The following GALM variants were observed in gnomAD, a reference collection of about 807,000 sequenced individuals.
GALM encodes the protein aldose 1-epimerase.
GALM carries 43 observed loss-of-function variants against 37.4 expected under a neutral mutation model. That is an observed-to-expected ratio of 1.15 (90% confidence interval 0.90 to 1.48). The LOEUF (loss-of-function observed/expected upper bound fraction) is 1.48, where lower values mean the gene tolerates loss of function less well. GALM is among the 40% of genes most tolerant of loss of function. The pLI, the probability that GALM is intolerant of heterozygous loss-of-function variation, is 0.00. For synonymous variants in GALM, 199 were observed against 170.6 expected (o/e 1.17, Z -1.30); for missense variants, 456 against 419.1 (o/e 1.09, Z -0.77).
chr2:38,684,143 T>C (rs1665468694), intron 3 of GALM, among the ~76,000 whole-genome samples: 1 of 152,194 alleles, frequency 6.6e-6, no homozygotes, highest in Non-Finnish European at 1.5e-5. Flanking sequence ...TCAGCTCATC[T>C]TATATATTTT....
chr2:38,726,858 T>G lies in GALM; in HGVS notation c.635-2698T>G, dbSNP rs1220383831. The stretch of plus-strand genomic sequence containing the variant: ...TTGTGGTGAGCCGAGATCACGCCAC[T>G]GCACTCCAGCCTGGGCAACAAGAGC... On this transcript the variant is annotated intron_variant, in intron 4 of 6. Coordinates refer to ENST00000272252, the MANE Select transcript of GALM (RefSeq NM_138801.3). Among the ~76,000 whole-genome samples, 8 of 151,290 alleles carry G rather than the reference T, an allele frequency of 5.3e-5. No homozygotes were observed. The East Asian group carries it at 1.6e-3, about 30-fold the overall frequency.
chr2:38,675,176 A>G (rs1344388841), intron 1 of GALM, among the ~76,000 whole-genome samples: 2 of 152,124 alleles, frequency 1.3e-5, no homozygotes, highest in African/African-American at 4.8e-5. Flanking sequence ...CTCTGTCTTA[A>G]CAACCACCAC....
At chr2:38,704,037 A>ATAAG (rs2148444844) in intron 4 of GALM, among the ~76,000 whole-genome samples, 1 of 148,830 alleles carries the variant, frequency 6.7e-6, no homozygotes, top group East Asian at 2.2e-4. Flanking sequence ...GAATAAATAA[A>ATAAG]TAAATAAATA....
intron 3 of GALM, among the ~76,000 whole-genome samples, chr2:38,683,091 A>G (rs963840470): frequency 2.6e-5 from 4 of 152,182 alleles, no homozygotes; most frequent in Non-Finnish European, 4.4e-5. Context: ...AGGACATCCT[A>G]TTTAATAATA....
chr2:38,666,302 C>T lies in GALM; in HGVS notation c.141C>T (p.Asp47=). Residue 47 remains aspartate (D), a synonymous_variant, in exon 1 of 7, where the codon GAC becomes GAT. Coordinates refer to ENST00000272252, the MANE Select transcript of GALM (RefSeq NM_138801.3). The stretch of plus-strand genomic sequence containing the variant: ...CGATCACAGCCCTAGAGGTCAAAGA[C>T]AGGCAGGGGAGAGCCTCGGACGTGG... The part of the protein sequence containing the change: ...GCTITALEVK[D]RQGRASDVVL... 3.7e-6 allele frequency: 6 copies of T among 1,613,822 alleles called. No individual in the cohort carries two copies. The highest frequency in any genetic ancestry group is 5.1e-6 in the Non-Finnish European group (6 of 1,179,832).
At chr2:38,688,968 G>A (rs1025821084) in intron 3 of GALM, among the ~76,000 whole-genome samples, 29 of 152,158 alleles carry the variant, frequency 1.9e-4, no homozygotes, top group African/African-American at 7.0e-4. Context: ...TTACAGGCAT[G>A]TGCCACCACA....
At chr2:38,714,553 AAGCAGAGCC>A (rs1306706311) in intron 4 of GALM, among the ~76,000 whole-genome samples, 31 of 152,262 alleles carry the variant, frequency 2.0e-4, no homozygotes, top group African/African-American at 7.0e-4. Flanking sequence ...CTTGGCTCTC[AAGCAGAGCC>A]AAGTGTAGAG....
intron 4 of GALM, among the ~76,000 whole-genome samples, chr2:38,725,215 C>G (rs1240419123): frequency 6.6e-6 from 1 of 152,024 alleles, no homozygotes; most frequent in East Asian, 1.9e-4. Flanking sequence ...ATGAGAATAC[C>G]TGCTTTTTTT....
At chr2:38,679,081 G>C (rs909601577) in intron 2 of GALM, among the ~76,000 whole-genome samples, 4 of 152,136 alleles carry the variant, frequency 2.6e-5, no homozygotes, top group Non-Finnish European at 5.9e-5. Flanking sequence ...CCACTTCCCA[G>C]GTTCAAGTGG....
rs1053916680 is a variant in GALM at position 38,724,264 on chromosome 2, T to C, written c.635-5292T>C. 2.0e-5 allele frequency among the ~76,000 whole-genome samples: 3 copies of C among 152,340 alleles called. 1 individual carries two copies. The highest frequency in any genetic ancestry group is 3.9e-4 in the East Asian group (2 of 5,190). ...AAACATTGAGAGATTCATCTCTATA[T>C]TTTATTTGACTTTGACAAATCCTGT... On this transcript the variant is annotated intron_variant, in intron 4 of 6. Transcript: ENST00000272252.
chr2:38,700,100 C>T (rs755169970), intron 4 of GALM, among the ~76,000 whole-genome samples: 3 of 151,962 alleles, frequency 2.0e-5, no homozygotes, highest in East Asian at 1.9e-4. Flanking sequence ...TACAGGTGCC[C>T]GCCACCACAC....
chr2:38,699,796 C>G (rs558161972), intron 4 of GALM, among the ~76,000 whole-genome samples: 1 of 152,084 alleles, frequency 6.6e-6, no homozygotes, highest in Non-Finnish European at 1.5e-5. Flanking sequence ...GAAAGATACT[C>G]GATATAATTT....
intron 4 of GALM, among the ~76,000 whole-genome samples, chr2:38,707,536 G>T (rs1463470234): frequency 1.3e-5 from 2 of 152,178 alleles, no homozygotes; most frequent in Non-Finnish European, 1.5e-5. Flanking sequence ...AACCTGCATG[G>T]CTGTGGTGGT....
At chr2:38,717,354 AGAGT>A (rs1324888162) in intron 4 of GALM, among the ~76,000 whole-genome samples, 2 of 151,520 alleles carry the variant, frequency 1.3e-5, no homozygotes, top group African/African-American at 2.4e-5. Flanking sequence ...TGTATAAAAG[AGAGT>A]GAGAGAGTAC....
chr2:38,688,957 A>T (rs181897362), intron 3 of GALM, among the ~76,000 whole-genome samples: 372 of 152,280 alleles, frequency 2.4e-3, no homozygotes, highest in African/African-American at 8.6e-3. Context: ...AGTAGCTGAG[A>T]TTACAGGCAT....
intron 4 of GALM, among the ~76,000 whole-genome samples, chr2:38,703,627 ATCT>A (rs774236666): frequency 1.3e-5 from 2 of 152,164 alleles, no homozygotes; most frequent in Admixed American, 1.3e-4. Context: ...ACCGCACAGA[ATCT>A]CTAACCCAGA....
rs377455785 is a variant in GALM, at chr2:38,732,236, T to C, written c.951+327T>C. On this transcript the variant is annotated intron_variant, in intron 6 of 6. Coordinates refer to ENST00000272252, the MANE Select transcript of GALM (RefSeq NM_138801.3). Reference sequence around the variant, plus strand: ...CATGCCTGCTTAATTTTTGTATTTTTAGTAGAGACAGGGTTCCACCATGTT... The same window carrying C: ...CATGCCTGCTTAATTTTTGTATTTTCAGTAGAGACAGGGTTCCACCATGTT... 3.9e-5 allele frequency among the ~76,000 whole-genome samples: 6 copies of C among 152,300 alleles called. No homozygotes were observed. The East Asian group carries it at 7.7e-4, about 20-fold the overall frequency.
intron 4 of GALM, among the ~76,000 whole-genome samples, chr2:38,719,510 C>G (rs1334446953): frequency 6.7e-6 from 1 of 149,684 alleles, no homozygotes; most frequent in Non-Finnish European, 1.5e-5. Flanking sequence ...TGCAGTGACT[C>G]ACACCTATAA....
intron 6 of GALM, 114 bp from the exon 7 acceptor site, chr2:38,733,374 C>A: frequency 2.4e-6 from 2 of 841,840 alleles, no homozygotes; most frequent in Non-Finnish European, 4.2e-6. Context: ...ACAGTTCCCG[C>A]ACTGGCAGCC....
Sources: gnomAD v4.1 joint callset for allele counts (sites outside exome capture counted in the v4.1 genomes callset) on GRCh38, gnomAD v4.1.1 for gene constraint, MANE v1.5 for transcripts, NCBI Gene and HGNC (gene_info 2026-07-23, HGNC 2026-07-21) for gene names.